FAM169A: variants seen among roughly 807,000 people sequenced by gnomAD.
FAM169A encodes the protein family with sequence similarity 169 member A.
FAM169A carries 24 observed loss-of-function variants against 75.7 expected under a neutral mutation model. The ratio of observed to expected loss-of-function variants is 0.32; its 90% confidence interval spans 0.23 to 0.45. The LOEUF (loss-of-function observed/expected upper bound fraction) is 0.45. Ranked by LOEUF, FAM169A falls within the 20% of genes least tolerant of loss-of-function variation. The pLI, the probability that FAM169A is intolerant of heterozygous loss-of-function variation, is 1.00. For missense variants in FAM169A, 673 were observed against 784.0 expected (o/e 0.86, Z 1.69); for synonymous variants, 271 against 271.0 (o/e 1.00, Z 0.00).
In FAM169A at chr5:74,831,272, C is replaced by CT. The variant is rs552924871; in HGVS notation, c.490+3153dup. Among the ~76,000 whole-genome samples, 13 of 152,272 alleles carry CT rather than the reference C, an allele frequency of 8.5e-5. No homozygotes were observed. The South Asian group carries it at 2.3e-3, about 27-fold the overall frequency. Reference sequence around the variant, plus strand: ...AATACTATAACAAAACCCAAAATCTCTTTGATACTAATGCTTGATTTTGTC... The same window carrying CT: ...AATACTATAACAAAACCCAAAATCTCTTTTGATACTAATGCTTGATTTTGTC... On this transcript the variant is annotated intron_variant, in intron 5 of 12. Transcript: ENST00000687041.
At position 74,842,420 on chromosome 5, in the gene FAM169A, C is replaced by CAAAAAAAAAAAAA. The variant is rs56653446; in HGVS notation, c.-3-754_-3-742dup. On this transcript the variant is annotated intron_variant, in intron 1 of 12. Transcript: ENST00000687041. ...TGGGTGAAAGAGTGAGACTCTATCA[C>CAAAAAAAAAAAAA]AAAAAAAAAAAAAAAAAAAAAAAAA... 8.9e-5 allele frequency among the ~76,000 whole-genome samples: 2 copies of CAAAAAAAAAAAAA among 22,476 alleles called. 1 individual carries two copies. The highest frequency in any genetic ancestry group is 1.5e-4 in the Non-Finnish European group (2 of 12,988). The allele number at this position is 22,476 out of a possible 152,430, so 14.7% of individuals were successfully genotyped here.
intron 11 of FAM169A, among the ~76,000 whole-genome samples, chr5:74,794,002 C>CAAA (rs1276485325): frequency 3.9e-5 from 2 of 50,736 alleles, no homozygotes; most frequent in African/African-American, 7.0e-5. Context: ...GACTCCATCT[C>CAAA]AAAAAAAAAA....
At position 74,779,294 on chromosome 5, in the gene FAM169A, A is replaced by G. The variant is rs949017131; in HGVS notation, c.*2166T>C. Reference sequence around the variant, plus strand: ...AATCTTTAAAAAACTACACTTGTCTAAAGAAAGTCTTTTAGTGCTCACTTC... The same window carrying G: ...AATCTTTAAAAAACTACACTTGTCTGAAGAAAGTCTTTTAGTGCTCACTTC... On this transcript the variant is annotated 3_prime_UTR_variant, in exon 13 of 13. Transcript: ENST00000687041. 6.6e-6 allele frequency: 1 copy of G among 152,164 alleles called. No individual in the cohort carries two copies. The highest frequency in any genetic ancestry group is 1.5e-5 in the Non-Finnish European group (1 of 67,992). 9.4% of individuals were successfully genotyped at this position (152,164 alleles called of 1,614,324 possible). A position where few individuals can be genotyped will look rare whatever the true frequency, so the allele number is the denominator to read the frequency against.
intron 10 of FAM169A, among the ~76,000 whole-genome samples, chr5:74,800,499 C>G (rs530489987): frequency 1.3e-5 from 2 of 152,142 alleles, no homozygotes; most frequent in South Asian, 2.1e-4. Flanking sequence ...AATATAATCA[C>G]TAGAATAGTC....
chr5:74,814,587 G>T (rs1384088212), intron 5 of FAM169A, among the ~76,000 whole-genome samples: 1 of 152,108 alleles, frequency 6.6e-6, no homozygotes, highest in African/African-American at 2.4e-5. Flanking sequence ...GGGCGAATTG[G>T]AAACATCTGT....
At chr5:74,839,883 A>G (rs1748766605) in intron 3 of FAM169A, among the ~76,000 whole-genome samples, 191 bp downstream of exon 3, 1 of 152,188 alleles carries the variant, frequency 6.6e-6, no homozygotes, top group South Asian at 2.1e-4. Flanking sequence ...AGTTCTTTAT[A>G]GCAGTGTGAT....
intron 5 of FAM169A, among the ~76,000 whole-genome samples, chr5:74,822,426 T>C (rs1747810318): frequency 1.3e-5 from 2 of 152,156 alleles, no homozygotes; most frequent in South Asian, 2.1e-4. Flanking sequence ...GAACCACAAA[T>C]ATTTTATGGA....
intron 1 of FAM169A, among the ~76,000 whole-genome samples, chr5:74,859,521 C>T (rs1205930710): frequency 6.6e-6 from 1 of 151,966 alleles, no homozygotes; most frequent in Admixed American, 6.5e-5. Flanking sequence ...AACTCCTGAC[C>T]TCGTGATCCA....
intron 3 of FAM169A, among the ~76,000 whole-genome samples, chr5:74,839,407 C>T (rs1048520373): frequency 6.6e-5 from 10 of 152,156 alleles, no homozygotes; most frequent in South Asian, 4.2e-4. Context: ...CACACACGTG[C>T]GCACACACTC....
At chr5:74,861,074 T>C (rs1187359842) in intron 1 of FAM169A, among the ~76,000 whole-genome samples, 2 of 152,124 alleles carry the variant, frequency 1.3e-5, no homozygotes, top group Non-Finnish European at 2.9e-5. Flanking sequence ...GAGGCTGACC[T>C]TGCGGTGAGC....
intron 4 of FAM169A, among the ~76,000 whole-genome samples, chr5:74,836,251 G>A (rs919893966): frequency 1.3e-5 from 2 of 152,170 alleles, no homozygotes; most frequent in African/African-American, 4.8e-5. Context: ...TGTTCATGGT[G>A]TACAGTTAAT....
At chr5:74,861,019 C>T (rs1046107844) in intron 1 of FAM169A, among the ~76,000 whole-genome samples, 1 of 152,060 alleles carries the variant, frequency 6.6e-6, no homozygotes, top group Non-Finnish European at 1.5e-5. Context: ...CATCTGCAAT[C>T]CCAGCTACTC....
intron 1 of FAM169A, chr5:74,865,264 T>C (rs1377755214): frequency 6.6e-6 from 1 of 152,182 alleles, no homozygotes; most frequent in Non-Finnish European, 1.5e-5. Flanking sequence ...AATGAAAACT[T>C]TCCCTTCTGG....
intron 6 of FAM169A, among the ~76,000 whole-genome samples, chr5:74,810,657 G>A (rs1008178047): frequency 6.7e-5 from 10 of 149,552 alleles, no homozygotes; most frequent in Admixed American, 3.4e-4. Context: ...GGCTGAGGCA[G>A]GAGAATGGTG....
At chr5:74,782,483 T>C (rs1044037406) in intron 12 of FAM169A, among the ~76,000 whole-genome samples, 1 of 152,184 alleles carries the variant, frequency 6.6e-6, no homozygotes, top group African/African-American at 2.4e-5. Flanking sequence ...TACAACAGTT[T>C]TTTAGCCATA....
chr5:74,836,116 G>C (rs1415557845), intron 4 of FAM169A, among the ~76,000 whole-genome samples: 1 of 152,176 alleles, frequency 6.6e-6, no homozygotes, highest in Non-Finnish European at 1.5e-5. Context: ...TTTTGAAGGT[G>C]CTGCTGAGAC....
chr5:74,863,460 T>TA (rs888487284), intron 1 of FAM169A, among the ~76,000 whole-genome samples: 2 of 152,170 alleles, frequency 1.3e-5, no homozygotes, highest in African/African-American at 4.8e-5. Flanking sequence ...GGAAGGAACA[T>TA]ACAAGTTTTG....
At chr5:74,826,325 C>CTT (rs1748024689) in intron 5 of FAM169A, among the ~76,000 whole-genome samples, 2 of 152,134 alleles carry the variant, frequency 1.3e-5, no homozygotes, top group Non-Finnish European at 1.5e-5. Flanking sequence ...ACTATCTGTT[C>CTT]ATAATTAAGA....
At chr5:74,865,817 C>T in intron 1 of FAM169A, 1 of 152,270 alleles carries the variant, frequency 6.6e-6, no homozygotes, top group Non-Finnish European at 1.5e-5. Context: ...GGGGAGAGGG[C>T]GAGGGGAGGG....
Sources: gnomAD v4.1 joint callset for allele counts (sites outside exome capture counted in the v4.1 genomes callset) on GRCh38, gnomAD v4.1.1 for gene constraint, MANE v1.5 for transcripts, NCBI Gene and HGNC (gene_info 2026-07-23, HGNC 2026-07-21) for gene names.